RNGTT: variants seen among roughly 807,000 people sequenced by gnomAD.
RNGTT encodes the protein mRNA-capping enzyme.
In RNGTT, 33 loss-of-function variants were observed where a neutral mutation model predicts 79.3. The ratio of observed to expected loss-of-function variants is 0.42; its 90% CI spans 0.32 to 0.56. The LOEUF is 0.56. Among genes scored for constraint, RNGTT ranks in the 20% least tolerant of loss-of-function variants. RNGTT has a pLI of 0.17. For missense variants in RNGTT, 497 were observed against 739.1 expected, an observed-to-expected ratio of 0.67 and a Z score of 3.80; for synonymous variants, 222 against 235.9, an observed-to-expected ratio of 0.94 and a Z score of 0.54.
intron 13 of RNGTT, among the ~76,000 whole-genome samples, chr6:88,711,491 T>G (rs1582367337): frequency 1.3e-5 from 2 of 152,248 alleles, no homozygotes; most frequent in Non-Finnish European, 2.9e-5. Flanking sequence ...TACAGTTATA[T>G]AGACTCCCTT....
In RNGTT at chr6:88,614,338, T is replaced by A. The variant is rs144352397; in HGVS notation, c.1564A>T (p.Asn522Tyr). ...CTCTGTCTCATGAAGACCCAGCTGT[T>A]GTTCTCAAATTTGCATTCTATAATT... ...NKIIECKFENNSWVFMRQRTD... is the reference protein window; with the variant it reads ...NKIIECKFENYSWVFMRQRTD... The change falls in exon 15 of 16, where the codon AAC (asparagine) becomes TAC (tyrosine). Residue 522 changes from asparagine to tyrosine, a missense_variant. By Grantham distance (143) the Asn-to-Tyr change is moderately radical (BLOSUM62 -2). Coordinates refer to ENST00000369485, the MANE Select transcript of RNGTT (RefSeq NM_003800.5). The A allele has an allele frequency of 6.2e-7, 1 of 1,613,780 alleles. No individual in the cohort carries two copies. Among genetic ancestry groups the A allele is most frequent in the East Asian group, 2.2e-5 (1 of 44,880 alleles).
intron 2 of RNGTT, among the ~76,000 whole-genome samples, chr6:88,935,352 C>T (rs1378183207): frequency 6.6e-6 from 1 of 152,096 alleles, no homozygotes; most frequent in Non-Finnish European, 1.5e-5. Flanking sequence ...TAGTGTGATG[C>T]CCACAGCTTT....
chr6:88,687,949 T>TA (rs1354091653), intron 13 of RNGTT, among the ~76,000 whole-genome samples: 1 of 152,086 alleles, frequency 6.6e-6, no homozygotes, highest in Non-Finnish European at 1.5e-5. Context: ...AACGATCAAT[T>TA]AAAATCAATC....
At chr6:88,775,559 C>T (rs915715774) in intron 12 of RNGTT, among the ~76,000 whole-genome samples, 6 of 152,070 alleles carry the variant, frequency 3.9e-5, no homozygotes, top group African/African-American at 7.2e-5. Flanking sequence ...CCACAGAAGA[C>T]GGTACAGTTA....
rs116292472 is a variant in RNGTT, at chr6:88,663,127, G to T, written c.1506+15226C>A. The stretch of plus-strand genomic sequence containing the variant: ...TTGCTTGGTGAGTGAGTGACCTTTT[G>T]CCCCTTTTTCCCTTCCCCCTTTGTG... On this transcript the variant is annotated intron_variant, in intron 14 of 15. Coordinates refer to ENST00000369485, the MANE Select transcript of RNGTT (RefSeq NM_003800.5). 8.5e-3 allele frequency among the ~76,000 whole-genome samples: 1,292 copies of T among 152,218 alleles called. 18 individuals are homozygous for T. Among genetic ancestry groups the T allele is most frequent in the African/African-American group, 0.029 (1,205 of 41,522 alleles).
intron 13 of RNGTT, among the ~76,000 whole-genome samples, chr6:88,735,420 C>T (rs1777251649): frequency 6.6e-6 from 1 of 151,916 alleles, no homozygotes; most frequent in Non-Finnish European, 1.5e-5. Context: ...AAGACAGACA[C>T]ATTCTGGGCC....
chr6:88,946,625 GCTCTCCCTCTCC>G (rs112379823), intron 1 of RNGTT, among the ~76,000 whole-genome samples: 1,874 of 149,828 alleles, frequency 0.013, 11 homozygotes, highest in Non-Finnish European at 0.018. Context: ...CTCGACAGCA[GCTCTCCCTCTCC>G]CTCTCCCTCT....
At chr6:88,698,646 A>G (rs1775840351) in intron 13 of RNGTT, among the ~76,000 whole-genome samples, 1 of 152,072 alleles carries the variant, frequency 6.6e-6, no homozygotes. Flanking sequence ...ATTTATACTA[A>G]TAATATATAC....
intron 8 of RNGTT, among the ~76,000 whole-genome samples, chr6:88,868,775 T>C (rs1475655975): frequency 6.6e-6 from 1 of 152,222 alleles, no homozygotes; most frequent in Non-Finnish European, 1.5e-5. Flanking sequence ...TTGGCAGCTC[T>C]GAGTGTGTAG....
At chr6:88,618,474 A>C in intron 14 of RNGTT, among the ~76,000 whole-genome samples, 1 of 152,316 alleles carries the variant, frequency 6.6e-6, no homozygotes, top group African/African-American at 2.4e-5. Flanking sequence ...AGCCAATTAC[A>C]TATTATTATT....
At chr6:88,633,768 T>C (rs1562160521) in intron 14 of RNGTT, among the ~76,000 whole-genome samples, 1 of 152,204 alleles carries the variant, frequency 6.6e-6, no homozygotes, top group Non-Finnish European at 1.5e-5. Context: ...GGGTAATTAG[T>C]AGTTGGATCA....
chr6:88,713,995 T>C (rs1776411840), intron 13 of RNGTT, among the ~76,000 whole-genome samples: 1 of 152,116 alleles, frequency 6.6e-6, no homozygotes, highest in Admixed American at 6.6e-5. Context: ...ACATTTAGAG[T>C]TCCAATCTTG....
chr6:88,614,665 T>C (rs1255585582), intron 14 of RNGTT, among the ~76,000 whole-genome samples: 1 of 152,218 alleles, frequency 6.6e-6, no homozygotes, highest in African/African-American at 2.4e-5. Context: ...CCAGCCATGC[T>C]GGGCCAAATG....
At chr6:88,673,106 A>G (rs1035367597) in intron 14 of RNGTT, among the ~76,000 whole-genome samples, 2 of 152,196 alleles carry the variant, frequency 1.3e-5, no homozygotes, top group African/African-American at 4.8e-5. Flanking sequence ...TATCTCTAGC[A>G]AACACTGCCT....
chr6:88,660,626 T>C (rs540677399), intron 14 of RNGTT, among the ~76,000 whole-genome samples: 1 of 151,826 alleles, frequency 6.6e-6, no homozygotes, highest in South Asian at 2.1e-4. Context: ...ATCACAATCC[T>C]AAATACATGC....
At chr6:88,949,284 CAG>C (rs1386114910) in intron 1 of RNGTT, among the ~76,000 whole-genome samples, 1 of 105,230 alleles carries the variant, frequency 9.5e-6, no homozygotes, top group Non-Finnish European at 1.8e-5. Context: ...TTTTTTGAGA[CAG>C]AGTCTTGCTC....
chr6:88,670,001 C>A (rs1306920582), intron 14 of RNGTT, among the ~76,000 whole-genome samples: 1 of 152,174 alleles, frequency 6.6e-6, no homozygotes, highest in African/African-American at 2.4e-5. Context: ...ATGAAACTGG[C>A]AGAACTTTGA....
chr6:88,657,288 C>T (rs1444490778), intron 14 of RNGTT, among the ~76,000 whole-genome samples: 1 of 152,136 alleles, frequency 6.6e-6, no homozygotes, highest in Non-Finnish European at 1.5e-5. Context: ...AAGGATTTAA[C>T]CTCACTTAGA....
At chr6:88,851,729 C>A (rs910549797) in intron 9 of RNGTT, among the ~76,000 whole-genome samples, 6 of 151,706 alleles carry the variant, frequency 4.0e-5, no homozygotes, top group African/African-American at 1.5e-4. Flanking sequence ...TGGAATTTTA[C>A]AAAAACAATT....
Sources: gnomAD v4.1 joint callset for allele counts (sites outside exome capture counted in the v4.1 genomes callset) on GRCh38, gnomAD v4.1.1 for gene constraint, MANE v1.5 for transcripts, NCBI Gene and HGNC (gene_info 2026-07-23, HGNC 2026-07-21) for gene names.